The following PXN variants were observed in gnomAD, a reference collection of about 807,000 sequenced individuals.
PXN encodes testicular tissue protein Li 134.
PXN carries 61 observed loss-of-function variants against 103.6 expected under a neutral mutation model. That is an observed-to-expected ratio of 0.59 (90% CI 0.48 to 0.73). The LOEUF is 0.73. Among genes scored for constraint, PXN ranks in the 30% least tolerant of loss-of-function variants. PXN has a pLI of 0.00. For missense variants in PXN, 1,274 were observed against 1,460.3 expected (o/e 0.87, Z 2.08); for synonymous variants, 562 against 607.8 (o/e 0.92, Z 1.11).
At chr12:120,237,934 AG>A (rs1316872393) in intron 1 of PXN, among the ~76,000 whole-genome samples, 1 of 152,180 alleles carries the variant, frequency 6.6e-6, no homozygotes. Context: ...CATAGGCAGC[AG>A]GCCTGACCCA....
chr12:120,212,180 A>C lies in PXN; in HGVS notation c.*134T>G, dbSNP rs573194301. 146 of 1,331,310 alleles carry C rather than the reference A, an allele frequency of 1.1e-4. No homozygotes were observed. The African/African-American group carries it at 2.0e-3, about 18-fold the overall frequency. 82.5% of individuals were successfully genotyped at this position (1,331,310 alleles called of 1,614,324 possible). ...GGGGACCCCTCACGGCCCTCTGTCC[A>C]TCCCGCACCAGCGGAGGACAAGGGT... On this transcript the variant is annotated 3_prime_UTR_variant, in exon 15 of 15. Coordinates refer to ENST00000637617, the MANE Select transcript of PXN (RefSeq NM_001385981.1). The surrounding 1 kb of genome is among the most constrained non-coding windows in gnomAD (Gnocchi z 7.2).
chr12:120,220,115 GGGAGA>G lies in PXN; in HGVS notation c.832-29_832-25del. ...GTCTGGAGAAGAGAGAAATGCAGAG[GGGAGA>G]GGAGAGAGAGAGATGAGGGGAGTGA... On this transcript the variant is annotated intron_variant, in intron 6 of 14. Transcript: ENST00000637617. This position sits in a 1 kb window ranked among gnomAD's most constrained non-coding sequence, Gnocchi z 6.1. 1 of 931,602 alleles carries G rather than the reference GGGAGA, an allele frequency of 1.1e-6. No homozygotes were observed. Among genetic ancestry groups the G allele is most frequent in the Non-Finnish European group, 1.6e-6 (1 of 634,402 alleles). The allele number at this position is 931,602 out of a possible 1,614,324, so 57.7% of individuals were successfully genotyped here. A position where few individuals can be genotyped will look rare whatever the true frequency, so the allele number is the denominator to read the frequency against.
rs1022363219 is a variant in PXN at position 120,216,929 on chromosome 12, CCCGCCGCCT to C, written c.1895_1903del (p.Glu632_Ala634del). ...GGTCAGCCAGTCCTGGGCAGAGGGC[CCCGCCGCCT>C]CCGCCGGCTCCTCTGCCTCAGGCTG... On this transcript the variant is annotated inframe_deletion, in exon 8 of 15. Transcript: ENST00000637617. The surrounding 1 kb of genome is among the most constrained non-coding windows in gnomAD (Gnocchi z 5.1). The C allele has an allele frequency of 2.2e-5, 33 of 1,531,466 alleles. No homozygotes were observed. Among genetic ancestry groups the C allele is most frequent in the African/African-American group, 8.2e-5 (6 of 72,964 alleles). The allele number at this position is 1,531,466 out of a possible 1,614,324, so 94.9% of individuals were successfully genotyped here.
In PXN at chr12:120,219,074, G is replaced by C; in HGVS notation, c.1716+133C>G. On this transcript the variant is annotated intron_variant, in intron 7 of 14. Transcript: ENST00000637617. This position sits in a 1 kb window ranked among gnomAD's most constrained non-coding sequence, Gnocchi z 6.5. ...CTGCCAAGTGCTGACTGTCAGGTCC[G>C]GCCACAGTGTCTCAGCATTTTCTGC... 1 of 1,010,084 alleles carries C rather than the reference G, an allele frequency of 9.9e-7. No individual in the cohort carries two copies. Among genetic ancestry groups the C allele is most frequent in the Non-Finnish European group, 1.4e-6 (1 of 716,798 alleles). The allele number at this position is 1,010,084 out of a possible 1,614,324, so 62.6% of individuals were successfully genotyped here. A position where few individuals can be genotyped will look rare whatever the true frequency, so the allele number is the denominator to read the frequency against.
At chr12:120,260,221 A>T (rs1893660814) in intron 1 of PXN, among the ~76,000 whole-genome samples, 1 of 152,198 alleles carries the variant, frequency 6.6e-6, no homozygotes, top group Non-Finnish European at 1.5e-5. Flanking sequence ...CCAAGAAAGA[A>T]CAAAAAGGCC....
rs781198265 is a variant in PXN, at chr12:120,222,644, C to A, written c.600G>T (p.Glu200Asp). 4 of 1,609,214 alleles carry A rather than the reference C, an allele frequency of 2.5e-6. No homozygotes were observed. The Admixed American group carries it at 6.7e-5, about 27-fold the overall frequency. ...LGGKAGPLTK[E>D]KPKRNGGRGL... Reference sequence around the variant, plus strand: ...CCCGGCCCCCATTCCGCTTAGGCTTCTCTTTCGTCAGGGGCCCAGCTTTGC... The same window carrying A: ...CCCGGCCCCCATTCCGCTTAGGCTTATCTTTCGTCAGGGGCCCAGCTTTGC... The change falls in exon 5 of 15, where the codon GAG becomes GAT. Residue 200 changes from glutamate (E) to aspartate (D), a missense_variant. Physicochemically the swap from Glu to Asp is conservative, Grantham distance 45 (BLOSUM62 2). Coordinates refer to ENST00000637617, the MANE Select transcript of PXN (RefSeq NM_001385981.1). This position sits in a 1 kb window ranked among gnomAD's most constrained non-coding sequence, Gnocchi z 4.7.
At chr12:120,254,532 G>A (rs1317900232) in intron 1 of PXN, among the ~76,000 whole-genome samples, 2 of 152,042 alleles carry the variant, frequency 1.3e-5, no homozygotes, top group South Asian at 2.1e-4. Flanking sequence ...TACACAATAA[G>A]GTTTAGTGGT....
chr12:120,232,051 A>G (rs2136421011), intron 1 of PXN, among the ~76,000 whole-genome samples: 1 of 152,260 alleles, frequency 6.6e-6, no homozygotes, highest in East Asian at 1.9e-4. Context: ...TTTTTTTGAG[A>G]CAAGTCTTGT....
At chr12:120,238,688 G>A (rs987435789) in intron 1 of PXN, among the ~76,000 whole-genome samples, 3 of 152,210 alleles carry the variant, frequency 2.0e-5, no homozygotes, top group Non-Finnish European at 4.4e-5. Context: ...TGTGGAGAAT[G>A]TCTTCTAATA....
Position 120,221,745 on chromosome 12 carries a change from C to T in PXN, c.709G>A (p.Val237Met). Residue 237 changes from valine to methionine, a missense_variant, in exon 6 of 15, where the codon GTG (valine) becomes ATG (methionine). Coordinates refer to ENST00000637617, the MANE Select transcript of PXN (RefSeq NM_001385981.1). This position sits in a 1 kb window ranked among gnomAD's most constrained non-coding sequence, Gnocchi z 6.6. Reference protein sequence around the residue: ...SVPSPVPAITVNQGEMSSPQR... With the variant: ...SVPSPVPAITMNQGEMSSPQR... ...GGGCTGCTCATCTCGCCCTGGTTCA[C>T]AGTGATGGCAGGGCTGCAGGGTGGG... is the stretch of plus-strand genomic sequence containing the variant. The T allele has an allele frequency of 6.4e-7, 1 of 1,571,648 alleles. No homozygotes were observed.
intron 1 of PXN, among the ~76,000 whole-genome samples, chr12:120,256,588 G>A (rs1250669171): frequency 6.6e-6 from 1 of 152,124 alleles, no homozygotes; most frequent in African/African-American, 2.4e-5. Context: ...GTGGAGTAAA[G>A]CGTGAGCAAA....
rs1417583572 is a variant in PXN at position 120,224,442 on chromosome 12, C to A, written c.14-65G>T. The stretch of plus-strand genomic sequence containing the variant: ...TCCTGGGGACTCTCCCGTGGCAGGG[C>A]CCTCCCTGCCTGCACCTCAAGAGTT... On this transcript the variant is annotated intron_variant, in intron 1 of 14. Coordinates refer to ENST00000637617, the MANE Select transcript of PXN (RefSeq NM_001385981.1). The surrounding 1 kb of genome is among the most constrained non-coding windows in gnomAD (Gnocchi z 5.0). 4 of 1,144,510 alleles carry A rather than the reference C, an allele frequency of 3.5e-6. No individual in the cohort carries two copies. Among genetic ancestry groups the A allele is most frequent in the Non-Finnish European group, 5.3e-6 (4 of 755,014 alleles). The allele number at this position is 1,144,510 out of a possible 1,614,324, so 70.9% of individuals were successfully genotyped here.
rs527247588 is a variant in PXN, at chr12:120,220,569, G to C, written c.832-478C>G. Among the ~76,000 whole-genome samples the C allele has an allele frequency of 5.3e-5, 8 of 152,288 alleles. No individual in the cohort carries two copies. Among genetic ancestry groups the C allele is most frequent in the African/African-American group, 1.9e-4 (8 of 41,558 alleles). On this transcript the variant is annotated intron_variant, in intron 6 of 14. Coordinates refer to ENST00000637617, the MANE Select transcript of PXN (RefSeq NM_001385981.1). The surrounding 1 kb of genome is among the most constrained non-coding windows in gnomAD (Gnocchi z 6.1). ...CTCCAGGGATCTGACTAAAACCACT[G>C]CTGCTTCTCCTGGCATCAGGACACA... is the stretch of plus-strand genomic sequence containing the variant.
Position 120,211,724 on chromosome 12 carries a change from G to A in PXN, c.*590C>T, listed in dbSNP as rs1054184888. Reference sequence around the variant, plus strand: ...AAGAGCAGGTATAAAAGGGGAGGGCGGGTCTAAAAGGCAGGGGCAGTCGCC... The same window carrying A: ...AAGAGCAGGTATAAAAGGGGAGGGCAGGTCTAAAAGGCAGGGGCAGTCGCC... On this transcript the variant is annotated 3_prime_UTR_variant, in exon 15 of 15. Coordinates refer to ENST00000637617, the MANE Select transcript of PXN (RefSeq NM_001385981.1). 25 of 344,050 alleles carry A rather than the reference G, an allele frequency of 7.3e-5. No homozygotes were observed. Among genetic ancestry groups the A allele is most frequent in the Non-Finnish European group, 1.0e-4 (18 of 172,092 alleles). The allele number at this position is 344,050 out of a possible 1,614,324, so 21.3% of individuals were successfully genotyped here. A position where few individuals can be genotyped will look rare whatever the true frequency, so the allele number is the denominator to read the frequency against.
rs1009378555 is a variant in PXN, at chr12:120,213,624, T to C, written c.2979+218A>G. Among the ~76,000 whole-genome samples the C allele has an allele frequency of 2.0e-5, 3 of 152,202 alleles. No individual in the cohort carries two copies. Among genetic ancestry groups the C allele is most frequent in the Non-Finnish European group, 2.9e-5 (2 of 68,034 alleles). On this transcript the variant is annotated intron_variant, in intron 14 of 14. Coordinates refer to ENST00000637617, the MANE Select transcript of PXN (RefSeq NM_001385981.1). This position sits in a 1 kb window ranked among gnomAD's most constrained non-coding sequence, Gnocchi z 4.2. ...CCAGGGCCGCTGCACAGGGCTGGAC[T>C]GGGGGACATGTCTACCTTGCTCCTG...
intron 1 of PXN, among the ~76,000 whole-genome samples, chr12:120,250,491 T>A (rs1891966340): frequency 6.6e-6 from 1 of 152,164 alleles, no homozygotes; most frequent in South Asian, 2.1e-4. Context: ...CCTAGAGTGC[T>A]AGGAGAAGCC....
chr12:120,220,060 G>A lies in PXN; in HGVS notation c.863C>T (p.Pro288Leu), dbSNP rs189545173. ...TSSSTVALSA[P>L]GLSSSAPSSY... ...GGACGGAGCAGAGCTGGACAGCCCC[G>A]GGGCACTCAGAGCCACAGTGGAGGA... Residue 288 changes from proline to leucine, a missense_variant, in exon 7 of 15, where the codon CCG (proline) becomes CTG (leucine). Physicochemically the swap from Pro to Leu is moderately conservative, Grantham distance 98. Around this residue, in one of 2 missense-constraint regions of PXN, gnomAD observed 1,178 missense variants for 1,309.0 expected, o/e 0.90. Coordinates refer to ENST00000637617, the MANE Select transcript of PXN (RefSeq NM_001385981.1). The surrounding 1 kb of genome is among the most constrained non-coding windows in gnomAD (Gnocchi z 6.1). 8.7e-5 allele frequency: 122 copies of A among 1,406,622 alleles called. No homozygotes were observed. Among genetic ancestry groups the A allele is most frequent in the Middle Eastern group, 1.8e-4 (1 of 5,448 alleles). 87.1% of individuals were successfully genotyped at this position (1,406,622 alleles called of 1,614,324 possible).
intron 1 of PXN, among the ~76,000 whole-genome samples, chr12:120,253,459 C>T (rs1566433492): frequency 1.3e-5 from 2 of 151,834 alleles, no homozygotes; most frequent in South Asian, 4.2e-4. Context: ...GGTGACAGAG[C>T]GAGACTCCAT....
chr12:120,227,248 C>T (rs527385855), intron 1 of PXN: 1 of 782,010 alleles, frequency 1.3e-6, no homozygotes, highest in African/African-American at 1.9e-5. Flanking sequence ...TGCCTATAGT[C>T]CCAGCTATTC....
Sources: gnomAD v4.1 joint callset for allele counts (sites outside exome capture counted in the v4.1 genomes callset) on GRCh38, gnomAD v4.1.1 for gene constraint, gnomAD v4.1.1 regional missense constraint, Gnocchi (gnomAD v3.1) non-coding constraint, MANE v1.5 for transcripts, NCBI Gene and HGNC (gene_info 2026-07-23, HGNC 2026-07-21) for gene names.